The following SBF2 variants were observed in gnomAD, a reference collection of about 807,000 sequenced individuals.
The protein encoded by SBF2 is myotubularin-related protein 13.
A neutral mutation model predicts 225.2 loss-of-function variants in SBF2; 112 were observed. That is an observed-to-expected ratio of 0.50 (90% confidence interval 0.43 to 0.58). SBF2 has a LOEUF of 0.58. Among genes scored for constraint, SBF2 ranks in the 20% least tolerant of loss-of-function variants. The pLI, the probability that SBF2 is intolerant of heterozygous loss-of-function variation, is 0.00. For synonymous variants in SBF2, 763 were observed against 773.3 expected (o/e 0.99, Z 0.22); for missense variants, 1,996 against 2,206.2 (o/e 0.90, Z 1.91).
At chr11:10,214,488 T>C (rs1360501106) in intron 1 of SBF2, among the ~76,000 whole-genome samples, 1 of 152,130 alleles carries the variant, frequency 6.6e-6, no homozygotes, top group Non-Finnish European at 1.5e-5. Flanking sequence ...CCAAGCGTGG[T>C]GGCACGCGCC....
chr11:10,254,039 G>A (rs1292189614), intron 1 of SBF2, among the ~76,000 whole-genome samples: 6 of 152,188 alleles, frequency 3.9e-5, no homozygotes, highest in Non-Finnish European at 8.8e-5. Flanking sequence ...ACTGTTGGAA[G>A]GAGTGTAAAT....
intron 28 of SBF2, among the ~76,000 whole-genome samples, chr11:9,824,547 G>A (rs1854957988): frequency 6.7e-6 from 1 of 148,216 alleles, no homozygotes; most frequent in African/African-American, 2.5e-5. Flanking sequence ...TGGTGACAGA[G>A]CGAGACTCCA....
At chr11:10,200,506 AG>A (rs1957532349) in intron 1 of SBF2, among the ~76,000 whole-genome samples, 1 of 152,116 alleles carries the variant, frequency 6.6e-6, no homozygotes, top group South Asian at 2.1e-4. Context: ...GATTTACTGG[AG>A]TTACTTTTGA....
intron 17 of SBF2, among the ~76,000 whole-genome samples, chr11:9,886,736 C>G (rs1422687321): frequency 5.8e-5 from 8 of 138,026 alleles, no homozygotes; most frequent in Admixed American, 5.4e-4. Flanking sequence ...TCATCTCATA[C>G]TTCACCCACT....
intron 3 of SBF2, among the ~76,000 whole-genome samples, chr11:10,040,592 A>G (rs1949616169): frequency 6.6e-6 from 1 of 151,974 alleles, no homozygotes; most frequent in South Asian, 2.1e-4. Context: ...GCTATAAAGG[A>G]CACTATTAGA....
chr11:10,028,888 C>T (rs1429129346), intron 5 of SBF2, among the ~76,000 whole-genome samples: 1 of 151,952 alleles, frequency 6.6e-6, no homozygotes, highest in Admixed American at 6.6e-5. Context: ...CCATCTGTGA[C>T]CAAACTCACA....
rs149736204 is a variant in SBF2, at chr11:9,944,137, G to C, written c.1860+17820C>G. 4.6e-4 allele frequency among the ~76,000 whole-genome samples: 70 copies of C among 152,182 alleles called. No homozygotes were observed. The East Asian group carries it at 0.014, about 29-fold the overall frequency. ...AACAGGATGATTCCAATCACAAGAAGGTCAAAATCAGGCAAAACTAAACTG... is the reference window on the plus strand; with the variant it reads ...AACAGGATGATTCCAATCACAAGAACGTCAAAATCAGGCAAAACTAAACTG... On this transcript the variant is annotated intron_variant, in intron 16 of 39. Coordinates refer to ENST00000256190, the MANE Select transcript of SBF2 (RefSeq NM_030962.4).
At chr11:10,264,114 T>C (rs1465930442) in intron 1 of SBF2, among the ~76,000 whole-genome samples, 4 of 152,188 alleles carry the variant, frequency 2.6e-5, no homozygotes, top group African/African-American at 7.2e-5. Context: ...AATTCCAAGA[T>C]GGTTTTACTG....
chr11:10,169,510 C>T (rs575442024), intron 2 of SBF2, among the ~76,000 whole-genome samples: 1 of 152,274 alleles, frequency 6.6e-6, no homozygotes, highest in African/African-American at 2.4e-5. Context: ...ATGACAGAAT[C>T]TCGTTCTTCT....
intron 2 of SBF2, among the ~76,000 whole-genome samples, chr11:10,183,426 G>A (rs1290944397): frequency 6.6e-6 from 1 of 152,106 alleles, no homozygotes; most frequent in Non-Finnish European, 1.5e-5. Context: ...ATTTTTCAAG[G>A]TTTTTCAGGA....
At chr11:10,297,922 T>C (rs1341617146), upstream of SBF2, among the ~76,000 whole-genome samples, 2 of 152,258 alleles carry the variant, frequency 1.3e-5, no homozygotes, top group African/African-American at 4.8e-5. Flanking sequence ...ATTACTGAGG[T>C]TGGCTGAAAG....
intron 7 of SBF2, 53 bp from the exon 8 acceptor site, chr11:10,001,075 T>C (rs1007284457): frequency 4.5e-6 from 4 of 880,702 alleles, no homozygotes; most frequent in East Asian, 5.2e-5. Context: ...CATAAACATA[T>C]CTTCTTTCAT....
intron 1 of SBF2, among the ~76,000 whole-genome samples, chr11:10,206,411 C>T (rs1957753803): frequency 1.3e-5 from 2 of 151,858 alleles, no homozygotes; most frequent in African/African-American, 4.8e-5. Context: ...TAACTCTAAA[C>T]ACAAAAACTA....
intron 17 of SBF2, among the ~76,000 whole-genome samples, chr11:9,878,199 T>C (rs966821037): frequency 6.6e-6 from 1 of 152,244 alleles, no homozygotes; most frequent in Non-Finnish European, 1.5e-5. Flanking sequence ...TGTCTTCTTT[T>C]GAGAAGTGTC....
At chr11:10,242,664 TG>T (rs1959338428) in intron 1 of SBF2, among the ~76,000 whole-genome samples, 1 of 151,946 alleles carries the variant, frequency 6.6e-6, no homozygotes, top group Admixed American at 6.5e-5. Context: ...TTCATACAAA[TG>T]GTAGCCAAAA....
intron 1 of SBF2, among the ~76,000 whole-genome samples, chr11:10,205,969 G>A (rs1382718213): frequency 6.6e-6 from 1 of 151,898 alleles, no homozygotes; most frequent in Non-Finnish European, 1.5e-5. Flanking sequence ...GGTAGTCAGA[G>A]GACACCAGTA....
At chr11:10,002,500 C>G in intron 7 of SBF2, 57 bp downstream of exon 7, 1 of 1,392,874 alleles carries the variant, frequency 7.2e-7, no homozygotes, top group Non-Finnish European at 1.0e-6. Context: ...TATGACTTAT[C>G]AACGATAAGT....
intron 6 of SBF2, among the ~76,000 whole-genome samples, chr11:10,004,582 A>ACAAAC (rs1554981717): frequency 6.7e-6 from 1 of 148,392 alleles, no homozygotes; most frequent in Non-Finnish European, 1.5e-5. Flanking sequence ...ATTAAAAAAA[A>ACAAAC]AAAAAAAAAA....
chr11:10,273,398 A>T (rs1962698692), intron 1 of SBF2, among the ~76,000 whole-genome samples: 1 of 152,254 alleles, frequency 6.6e-6, no homozygotes, highest in Admixed American at 6.5e-5. Context: ...TTGTATCATT[A>T]TTTGTTCAGA....
Sources: gnomAD v4.1 joint callset for allele counts (sites outside exome capture counted in the v4.1 genomes callset) on GRCh38, gnomAD v4.1.1 for gene constraint, MANE v1.5 for transcripts, NCBI Gene and HGNC (gene_info 2026-07-23, HGNC 2026-07-21) for gene names.